GRM3: variants seen among roughly 807,000 people sequenced by gnomAD.
GRM3 encodes glutamate metabotropic receptor 3.
Under a neutral mutation model 70.5 loss-of-function variants are expected in GRM3, and 26 were observed. The ratio of observed to expected loss-of-function variants is 0.37; its 90% CI spans 0.27 to 0.51. The LOEUF (loss-of-function observed/expected upper bound fraction) is 0.51, where lower values mean the gene tolerates loss of function less well. Ranked by LOEUF, GRM3 falls within the 20% of genes least tolerant of loss-of-function variation. GRM3 has a pLI of 0.93. For missense variants in GRM3, 859 were observed against 1,123.8 expected (o/e 0.76, Z 3.37); for synonymous variants, 443 against 434.9 (o/e 1.02, Z -0.23).
intron 2 of GRM3, among the ~76,000 whole-genome samples, chr7:86,774,750 C>G (rs898040685): frequency 1.3e-5 from 2 of 152,004 alleles, no homozygotes; most frequent in Non-Finnish European, 2.9e-5. Flanking sequence ...TCGGTAGATA[C>G]CATAAGGTTC....
chr7:86,711,775 A>G (rs1795205753), intron 1 of GRM3, among the ~76,000 whole-genome samples: 1 of 151,652 alleles, frequency 6.6e-6, no homozygotes. Context: ...TTTTCCACCT[A>G]CCTCCATTAC....
chr7:86,852,424 A>G (rs933324978), intron 5 of GRM3, among the ~76,000 whole-genome samples: 3 of 152,156 alleles, frequency 2.0e-5, no homozygotes, highest in Non-Finnish European at 2.9e-5. Context: ...ACTTTCTCCA[A>G]TCAAGTCTCT....
chr7:86,675,091 A>T (rs910828394), intron 1 of GRM3, among the ~76,000 whole-genome samples: 1 of 152,118 alleles, frequency 6.6e-6, no homozygotes, highest in Non-Finnish European at 1.5e-5. Context: ...TTCATTTTGT[A>T]TCCTTATATA....
intron 1 of GRM3, among the ~76,000 whole-genome samples, chr7:86,728,093 T>A (rs1795633447): frequency 6.6e-6 from 1 of 152,188 alleles, no homozygotes; most frequent in South Asian, 2.1e-4. Context: ...TTTTTTCCTG[T>A]GAATATCCCT....
intron 3 of GRM3, among the ~76,000 whole-genome samples, chr7:86,821,027 G>A (rs1242762816): frequency 6.6e-6 from 1 of 152,084 alleles, no homozygotes; most frequent in Admixed American, 6.6e-5. Context: ...TTGTGTGTAT[G>A]TTTTGACACA....
In GRM3 at chr7:86,665,644, T is replaced by A. The variant is rs1584148848; in HGVS notation, c.-141+20772T>A. Among the ~76,000 whole-genome samples, 5 of 152,206 alleles carry A rather than the reference T, an allele frequency of 3.3e-5. No individual in the cohort carries two copies. The East Asian group carries it at 9.6e-4, about 29-fold the overall frequency. ...TTCCTTCTAGATCCTGCCATGCATA[T>A]TATAGTCTTCTCTATAAACCATATG... On this transcript the variant is annotated intron_variant, in intron 1 of 5. Coordinates refer to ENST00000361669, the MANE Select transcript of GRM3 (RefSeq NM_000840.3).
At chr7:86,745,072 T>C (rs1029073854) in intron 1 of GRM3, among the ~76,000 whole-genome samples, 1 of 152,112 alleles carries the variant, frequency 6.6e-6, no homozygotes, top group Non-Finnish European at 1.5e-5. Context: ...TATGTTACCT[T>C]ACGGAAATTT....
chr7:86,698,673 CTG>C, intron 1 of GRM3, among the ~76,000 whole-genome samples: 1 of 151,562 alleles, frequency 6.6e-6, no homozygotes, highest in African/African-American at 2.4e-5. Context: ...TATTTAAAAA[CTG>C]GAAAAAGTGG....
At chr7:86,805,381 C>A (rs1315153853) in intron 3 of GRM3, among the ~76,000 whole-genome samples, 1 of 152,092 alleles carries the variant, frequency 6.6e-6, no homozygotes, top group African/African-American at 2.4e-5. Flanking sequence ...ACCTTCCCAC[C>A]ATTAACATCC....
chr7:86,718,650 G>A (rs1014228017), intron 1 of GRM3, among the ~76,000 whole-genome samples: 3 of 151,960 alleles, frequency 2.0e-5, no homozygotes, highest in Admixed American at 1.3e-4. Context: ...AGTCTGCATA[G>A]TGGGAGAGAT....
At chr7:86,658,766 T>C (rs1793817646) in intron 1 of GRM3, among the ~76,000 whole-genome samples, 1 of 152,102 alleles carries the variant, frequency 6.6e-6, no homozygotes. Context: ...TATTGTGTTT[T>C]ATATTCCTTT....
At chr7:86,697,670 G>T (rs1317854663) in intron 1 of GRM3, among the ~76,000 whole-genome samples, 1 of 151,880 alleles carries the variant, frequency 6.6e-6, no homozygotes, top group African/African-American at 2.4e-5. Flanking sequence ...TAACCTAGAG[G>T]TAATATTACT....
At chr7:86,688,315 C>T (rs560828055) in intron 1 of GRM3, among the ~76,000 whole-genome samples, 2 of 151,302 alleles carry the variant, frequency 1.3e-5, no homozygotes, top group East Asian at 3.9e-4. Context: ...AATAAGTCTA[C>T]CATATATTAA....
chr7:86,723,194 A>G (rs1354441670), intron 1 of GRM3, among the ~76,000 whole-genome samples: 1 of 151,852 alleles, frequency 6.6e-6, no homozygotes, highest in African/African-American at 2.4e-5. Flanking sequence ...GAACCCTATG[A>G]AAAATAACAT....
At chr7:86,836,073 G>A (rs916764230) in intron 3 of GRM3, among the ~76,000 whole-genome samples, 10 of 152,232 alleles carry the variant, frequency 6.6e-5, no homozygotes, top group African/African-American at 2.4e-4. Context: ...AAAATAAGAT[G>A]TGTTTCCTGT....
At chr7:86,755,198 G>GAA (rs112807354) in intron 1 of GRM3, among the ~76,000 whole-genome samples, 8 of 143,148 alleles carry the variant, frequency 5.6e-5, no homozygotes, top group South Asian at 2.2e-4. Context: ...TAGTTTCCAG[G>GAA]AAAAAAAAAA....
At chr7:86,721,070 T>C (rs1795450479) in intron 1 of GRM3, among the ~76,000 whole-genome samples, 1 of 152,010 alleles carries the variant, frequency 6.6e-6, no homozygotes, top group Non-Finnish European at 1.5e-5. Flanking sequence ...AATACTACCA[T>C]ATCACCTGCC....
chr7:86,652,569 T>A (rs1022206794), intron 1 of GRM3, among the ~76,000 whole-genome samples: 1 of 152,074 alleles, frequency 6.6e-6, no homozygotes, highest in Admixed American at 6.5e-5. Flanking sequence ...GACCTCATGA[T>A]CCTCCCACCT....
At chr7:86,838,811 T>C in intron 3 of GRM3, 28 bp from the exon 4 acceptor site, 1 of 1,356,208 alleles carries the variant, frequency 7.4e-7, no homozygotes, top group Non-Finnish European at 1.0e-6. Context: ...CAAGTGTTCT[T>C]TTTTTTCTTT....
Sources: gnomAD v4.1 joint callset for allele counts (sites outside exome capture counted in the v4.1 genomes callset) on GRCh38, gnomAD v4.1.1 for gene constraint, MANE v1.5 for transcripts, NCBI Gene and HGNC (gene_info 2026-07-23, HGNC 2026-07-21) for gene names.